EDNRA: variants seen among roughly 807,000 people sequenced by gnomAD.
The protein encoded by EDNRA is endothelin-1 receptor.
A neutral mutation model predicts 41.4 loss-of-function variants in EDNRA; 11 were observed. The observed-to-expected ratio is 0.27, with a 90% CI of 0.17 to 0.44. EDNRA has a LOEUF of 0.44. EDNRA is among the 20% of genes least tolerant of loss of function. The pLI is 1.00. For missense variants in EDNRA, 294 were observed against 531.0 expected (o/e 0.55, Z 4.39); for synonymous variants, 172 against 183.0 (o/e 0.94, Z 0.49).
chr4:147,512,414 C>G (rs1203347844), intron 2 of EDNRA, among the ~76,000 whole-genome samples: 1 of 152,150 alleles, frequency 6.6e-6, no homozygotes, highest in Non-Finnish European at 1.5e-5. Context: ...ATTTCAGATT[C>G]TAAAAAGTGA....
intron 1 of EDNRA, among the ~76,000 whole-genome samples, chr4:147,485,094 A>G (rs796794686): frequency 3.3e-5 from 5 of 152,022 alleles, no homozygotes; most frequent in African/African-American, 1.2e-4. Flanking sequence ...TTTCTCTTTC[A>G]TTAAAAAATA....
chr4:147,482,724 G>C (rs1578768175), intron 1 of EDNRA, among the ~76,000 whole-genome samples: 1 of 152,158 alleles, frequency 6.6e-6, no homozygotes, highest in Non-Finnish European at 1.5e-5. Flanking sequence ...AAGGAAGGGG[G>C]TTTTAATGAT....
intron 1 of EDNRA, 97 bp from the exon 2 acceptor site, chr4:147,485,515 A>G (rs1728913383): frequency 2.5e-6 from 2 of 794,214 alleles, no homozygotes; most frequent in Non-Finnish European, 1.9e-6. Flanking sequence ...ATCACCAAAT[A>G]TATCCTGCAT....
rs1393410993 is a variant in EDNRA at position 147,539,684 on chromosome 4, A to C, written c.901-133A>C. 3.8e-6 allele frequency: 4 copies of C among 1,040,614 alleles called. No individual in the cohort carries two copies. The African/African-American group carries it at 4.8e-5, about 13-fold the overall frequency. 64.5% of individuals were successfully genotyped at this position (1,040,614 alleles called of 1,614,324 possible). On this transcript the variant is annotated intron_variant, in intron 5 of 7. Transcript: ENST00000651419. ...ATCTTGAAGAGGTAGAGGCAGTGTA[A>C]GCCAGGCTGTTCTCCTGGCTCTTCT...
intron 2 of EDNRA, among the ~76,000 whole-genome samples, chr4:147,499,771 T>C (rs994872168): frequency 4.0e-5 from 6 of 150,610 alleles, no homozygotes; most frequent in Non-Finnish European, 8.8e-5. Context: ...AAATTTCATA[T>C]GAAAATATAG....
In EDNRA at chr4:147,542,463, T is replaced by C; in HGVS notation, c.1144-15T>C. ...TGGTAGGCTCGCCTTACTTCGAGTC[T>C]GTTCCTTCCCCCAGTCATGCCTCTG... On this transcript the variant is annotated splice_polypyrimidine_tract_variant and intron_variant, in intron 7 of 7. Transcript: ENST00000651419. 6.2e-7 allele frequency: 1 copy of C among 1,614,050 alleles called. No homozygotes were observed. Among genetic ancestry groups the C allele is most frequent in the Non-Finnish European group, 8.5e-7 (1 of 1,179,946 alleles).
intron 2 of EDNRA, among the ~76,000 whole-genome samples, chr4:147,497,616 G>C (rs1449370133): frequency 6.6e-6 from 1 of 151,812 alleles, no homozygotes; most frequent in Admixed American, 6.6e-5. Flanking sequence ...CTGTCGCCCA[G>C]GCTGGAGTGC....
At chr4:147,515,382 A>G (rs1389734926) in intron 2 of EDNRA, among the ~76,000 whole-genome samples, 1 of 152,012 alleles carries the variant, frequency 6.6e-6, no homozygotes, top group Non-Finnish European at 1.5e-5. Context: ...GGGAAGGGGG[A>G]TGGCAAAATT....
intron 2 of EDNRA, among the ~76,000 whole-genome samples, chr4:147,510,478 C>T (rs1405216588): frequency 6.6e-6 from 1 of 152,090 alleles, no homozygotes; most frequent in Admixed American, 6.5e-5. Context: ...CATAAAGTAA[C>T]ATCAAACTAA....
rs570163217 is a variant in EDNRA, at chr4:147,523,626, G to A, written c.548+3648G>A. On this transcript the variant is annotated intron_variant, in intron 3 of 7. Coordinates refer to ENST00000651419, the MANE Select transcript of EDNRA (RefSeq NM_001957.4). ...CTGCCTCAGCTTCCCGAGTAGCTGG[G>A]ACTACAGGTGCCCACCACCACGCCC... Among the ~76,000 whole-genome samples the A allele has an allele frequency of 2.0e-5, 3 of 151,976 alleles. No individual in the cohort carries two copies. In the South Asian group the frequency reaches 6.2e-4, roughly 32 times the overall value.
At chr4:147,523,488 GT>G (rs759191166) in intron 3 of EDNRA, among the ~76,000 whole-genome samples, 7 of 118,076 alleles carry the variant, frequency 5.9e-5, no homozygotes, top group African/African-American at 2.7e-4. Flanking sequence ...TTGTTTTTTT[GT>G]TTTTTTTGTT....
At chr4:147,485,387 T>C (rs907371897) in intron 1 of EDNRA, among the ~76,000 whole-genome samples, 4 of 152,014 alleles carry the variant, frequency 2.6e-5, no homozygotes, top group Non-Finnish European at 5.9e-5. Context: ...ATGATGGAGA[T>C]GATGGAGATG....
At chr4:147,534,261 G>C (rs1730845780) in intron 4 of EDNRA, among the ~76,000 whole-genome samples, 1 of 152,206 alleles carries the variant, frequency 6.6e-6, no homozygotes, top group South Asian at 2.1e-4. Context: ...GCTCAAAGGA[G>C]TGTTCGTGTT....
chr4:147,508,117 G>A (rs1729786256), intron 2 of EDNRA, among the ~76,000 whole-genome samples: 1 of 151,984 alleles, frequency 6.6e-6, no homozygotes, highest in Admixed American at 6.6e-5. Context: ...GTCTTTTGAA[G>A]AGCAAAAATT....
At chr4:147,498,166 G>A (rs906039578) in intron 2 of EDNRA, among the ~76,000 whole-genome samples, 1 of 152,182 alleles carries the variant, frequency 6.6e-6, no homozygotes, top group Non-Finnish European at 1.5e-5. Context: ...AACACTCCCA[G>A]GAAGTCATTC....
At chr4:147,504,229 G>A (rs1026552831) in intron 2 of EDNRA, among the ~76,000 whole-genome samples, 1 of 152,202 alleles carries the variant, frequency 6.6e-6, no homozygotes, top group Non-Finnish European at 1.5e-5. Context: ...CCCATTGGCA[G>A]TTCTGTAAAG....
At chr4:147,517,316 A>G (rs1730148841) in intron 2 of EDNRA, among the ~76,000 whole-genome samples, 1 of 152,208 alleles carries the variant, frequency 6.6e-6, no homozygotes, top group East Asian at 1.9e-4. Flanking sequence ...TTGCTCCAGC[A>G]GAGCAAGCTG....
chr4:147,491,686 C>G (rs1729143316), intron 2 of EDNRA: 1 of 152,120 alleles, frequency 6.6e-6, no homozygotes, highest in South Asian at 2.1e-4. Context: ...GTCAAGTTAC[C>G]CACCAAATTC....
chr4:147,540,246 C>T, intron 6 of EDNRA, 131 bp from the exon 7 acceptor site: 2 of 833,870 alleles, frequency 2.4e-6, no homozygotes, highest in South Asian at 3.9e-5. Context: ...GCACTTTTTA[C>T]AAAATTCTAA....
Sources: gnomAD v4.1 joint callset for allele counts (sites outside exome capture counted in the v4.1 genomes callset) on GRCh38, gnomAD v4.1.1 for gene constraint, MANE v1.5 for transcripts, NCBI Gene and HGNC (gene_info 2026-07-23, HGNC 2026-07-21) for gene names.